Variants in FREM2 observed in about 807,000 individuals in gnomAD.
The protein encoded by FREM2 is FRAS1 related extracellular matrix 2, also known as FRAS1-related extracellular matrix protein 2.
A neutral mutation model predicts 219.9 loss-of-function variants in FREM2; 119 were observed. The ratio of observed to expected loss-of-function variants is 0.54; its 90% CI spans 0.47 to 0.63. The LOEUF (loss-of-function observed/expected upper bound fraction) is 0.63. FREM2 is among the 30% of genes least tolerant of loss of function. The pLI, the probability that FREM2 is intolerant of heterozygous loss-of-function variation, is 0.00. For missense variants in FREM2, 4,030 were observed against 3,993.6 expected (o/e 1.01, Z -0.25); for synonymous variants, 1,562 against 1,522.8 (o/e 1.03, Z -0.60).
In FREM2 at chr13:38,688,181, G is replaced by A; in HGVS notation, c.837G>A (p.Trp279Ter). 6.2e-7 allele frequency: 1 copy of A among 1,613,612 alleles called. No homozygotes were observed. The highest frequency in any genetic ancestry group is 1.3e-5 in the African/African-American group (1 of 75,066). The part of the protein sequence containing the change: ...TAASRSPNRD[W>*]IPMVVELRSR... ...CCAGTCGCTCACCAAACAGGGACTG[G>A]ATACCCATGGTGGTGGAGCTGCGTT... Residue 279 changes from tryptophan to a stop codon, truncating the protein, a stop_gained, in exon 1 of 24, where the codon TGG becomes TGA. Transcript: ENST00000280481. LOFTEE classifies it high-confidence loss of function.
chr13:38,813,845 T>C (rs1875642494), intron 6 of FREM2, among the ~76,000 whole-genome samples: 1 of 151,740 alleles, frequency 6.6e-6, no homozygotes, highest in Non-Finnish European at 1.5e-5. Context: ...GTTTGCCCTT[T>C]TGAGGGTCTT....
rs1868464 is a variant in FREM2 at position 38,687,920 on chromosome 13, G to A, written c.576G>A (p.Glu192=). ...GGAACTTGCCTCTGGTCGTGGAAGA[G>A]CTGCTGGGGACCAGCAATGCCCTGG... The part of the protein sequence containing the change: ...VTRNLPLVVE[E]LLGTSNALDA... Residue 192 remains glutamate, a synonymous_variant, in exon 1 of 24, where the codon GAG becomes GAA. Coordinates refer to ENST00000280481, the MANE Select transcript of FREM2 (RefSeq NM_207361.6). 1 allele frequency: 1,597,804 copies of A among 1,597,828 alleles called. 798,890 individuals carry two copies. Among genetic ancestry groups the A allele is most frequent in the Non-Finnish European group, 1 (1,170,916 of 1,170,916 alleles).
At chr13:38,847,224 C>T (rs1877192900) in intron 7 of FREM2, among the ~76,000 whole-genome samples, 1 of 152,160 alleles carries the variant, frequency 6.6e-6, no homozygotes, top group Non-Finnish European at 1.5e-5. Context: ...CACATATCTG[C>T]ATTTTATTCC....
chr13:38,775,706 G>A (rs1443836990), intron 4 of FREM2, among the ~76,000 whole-genome samples: 11 of 152,082 alleles, frequency 7.2e-5, no homozygotes, highest in Admixed American at 3.3e-4. Context: ...TGCAGCCTCC[G>A]CCTCCCCATT....
Position 38,764,289 on chromosome 13 carries a change from A to T in FREM2, c.5264-15A>T. 6.2e-7 allele frequency: 1 copy of T among 1,602,356 alleles called. No homozygotes were observed. The highest frequency in any genetic ancestry group is 1.7e-4 in the Middle Eastern group (1 of 6,026). On this transcript the variant is annotated splice_polypyrimidine_tract_variant and intron_variant, in intron 2 of 23. Transcript: ENST00000280481. ...AGAAAGCACTAATTTATGGCTTTAAATTTTTATTTTCAAGGTGGAAACAAG... is the reference window on the plus strand; with the variant it reads ...AGAAAGCACTAATTTATGGCTTTAATTTTTTATTTTCAAGGTGGAAACAAG...
chr13:38,750,295 C>T (rs1872688901), intron 2 of FREM2, among the ~76,000 whole-genome samples: 1 of 152,068 alleles, frequency 6.6e-6, no homozygotes, highest in African/African-American at 2.4e-5. Flanking sequence ...CCTTGCTGTT[C>T]TTGTGATAAT....
intron 2 of FREM2, among the ~76,000 whole-genome samples, chr13:38,763,724 C>A (rs1045981290): frequency 6.6e-6 from 1 of 152,050 alleles, no homozygotes; most frequent in East Asian, 1.9e-4. Flanking sequence ...AAGGGGAAAA[C>A]CTTATCTTCA....
rs191549408 is a variant in FREM2, at chr13:38,787,038, C to G, written c.6019+2230C>G. Reference sequence around the variant, plus strand: ...CATATAATATTCATAGAACATTTTACTATTGTCAGTGTCTTATCAGAGCTT... The same window carrying G: ...CATATAATATTCATAGAACATTTTAGTATTGTCAGTGTCTTATCAGAGCTT... On this transcript the variant is annotated intron_variant, in intron 6 of 23. Transcript: ENST00000280481. Among the ~76,000 whole-genome samples, 187 of 152,240 alleles carry G rather than the reference C, an allele frequency of 1.2e-3. 1 individual carries two copies. Among genetic ancestry groups the G allele is most frequent in the African/African-American group, 4.3e-3 (178 of 41,536 alleles).
Position 38,691,374 on chromosome 13 carries a change from C to T in FREM2, c.4030C>T (p.Arg1344Cys), listed in dbSNP as rs114409305. ...AGACAAATCTTTGGTTTATATTATT[C>T]GTTATGGGCCAGGACATGGCTTATT... is the stretch of plus-strand genomic sequence containing the variant. Reference protein sequence around the residue: ...SEDKSLVYIIRYGPGHGLLQR... With the variant: ...SEDKSLVYIICYGPGHGLLQR... Residue 1344 changes from arginine to cysteine, a missense_variant, in exon 1 of 24, where the codon CGT becomes TGT. Arg to Cys is a radical substitution (Grantham distance 180). Around this residue, in one of 2 missense-constraint regions of FREM2, gnomAD observed 3,102 missense variants for 2,950.7 expected, o/e 1.05. Transcript: ENST00000280481. 1.2e-5 allele frequency: 19 copies of T among 1,613,772 alleles called. No individual in the cohort carries two copies. The East Asian group carries it at 1.3e-4, about 11-fold the overall frequency.
intron 6 of FREM2, among the ~76,000 whole-genome samples, chr13:38,811,495 G>A (rs1875473820): frequency 6.6e-6 from 1 of 151,828 alleles, no homozygotes; most frequent in African/African-American, 2.4e-5. Context: ...TTGGTATGTT[G>A]TGTTTCCATT....
intron 2 of FREM2, among the ~76,000 whole-genome samples, chr13:38,707,874 A>G (rs1408950488): frequency 2.6e-5 from 4 of 152,214 alleles, no homozygotes; most frequent in African/African-American, 9.6e-5. Context: ...GGCTACATTT[A>G]ATCCTTTAGG....
intron 2 of FREM2, among the ~76,000 whole-genome samples, chr13:38,746,085 C>T (rs1313986626): frequency 1.3e-5 from 2 of 152,120 alleles, no homozygotes; most frequent in Non-Finnish European, 2.9e-5. Flanking sequence ...TTTAGATTTG[C>T]AAGTGCATAT....
intron 2 of FREM2, among the ~76,000 whole-genome samples, chr13:38,716,109 G>C (rs1456204403): frequency 6.6e-6 from 1 of 151,636 alleles, no homozygotes; most frequent in Non-Finnish European, 1.5e-5. Flanking sequence ...CCCCTTCCAT[G>C]TCCTGTCTCA....
intron 15 of FREM2, among the ~76,000 whole-genome samples, chr13:38,862,194 G>C (rs1352683287): frequency 2.6e-5 from 4 of 152,174 alleles, no homozygotes; most frequent in Non-Finnish European, 1.5e-5. Flanking sequence ...TGATATGTTA[G>C]TTATATTTTA....
intron 6 of FREM2, among the ~76,000 whole-genome samples, chr13:38,799,259 A>G (rs953030781): frequency 6.6e-6 from 1 of 151,702 alleles, no homozygotes; most frequent in South Asian, 2.1e-4. Context: ...ATTTTCATGT[A>G]TTTGTATAGG....
intron 6 of FREM2, among the ~76,000 whole-genome samples, chr13:38,794,881 A>T (rs1348507053): frequency 6.6e-6 from 1 of 152,136 alleles, no homozygotes; most frequent in Admixed American, 6.6e-5. Context: ...CTATATACTA[A>T]GGACTTTACA....
intron 15 of FREM2, among the ~76,000 whole-genome samples, chr13:38,861,940 GTC>G (rs1461047298): frequency 6.6e-6 from 1 of 152,138 alleles, no homozygotes; most frequent in East Asian, 1.9e-4. Flanking sequence ...GGAGTTTTAT[GTC>G]TCTCTCAATA....
intron 6 of FREM2, among the ~76,000 whole-genome samples, chr13:38,812,710 G>C (rs1052278244): frequency 6.6e-6 from 1 of 151,858 alleles, no homozygotes; most frequent in African/African-American, 2.4e-5. Context: ...GTGAAACCCT[G>C]TCTCTACAAT....
chr13:38,866,583 G>T (rs1013422926), intron 16 of FREM2, among the ~76,000 whole-genome samples: 1 of 150,504 alleles, frequency 6.6e-6, no homozygotes, highest in African/African-American at 2.4e-5. Flanking sequence ...CAGGAGAATC[G>T]CTTGAACTGG....
Sources: gnomAD v4.1 joint callset for allele counts (sites outside exome capture counted in the v4.1 genomes callset) on GRCh38, gnomAD v4.1.1 for gene constraint, gnomAD v4.1.1 regional missense constraint, MANE v1.5 for transcripts, NCBI Gene and HGNC (gene_info 2026-07-23, HGNC 2026-07-21) for gene names.